MYO5B: variants seen among roughly 807,000 people sequenced by gnomAD.
MYO5B encodes myosin VB.
In MYO5B, 143 loss-of-function variants were observed where a neutral mutation model predicts 229.3. The observed-to-expected ratio is 0.62, with a 90% CI of 0.54 to 0.72. MYO5B has a LOEUF of 0.72. Among genes scored for constraint, MYO5B ranks in the 30% least tolerant of loss-of-function variants. The pLI is 0.00. For synonymous variants in MYO5B, 918 were observed against 885.2 expected (o/e 1.04, Z -0.66); for missense variants, 2,321 against 2,331.0 (o/e 1.00, Z 0.09).
At chr18:49,980,668 C>T (rs933502747) in intron 8 of MYO5B, 115 bp from the exon 9 acceptor site, 2 of 743,994 alleles carry the variant, frequency 2.7e-6, no homozygotes, top group Non-Finnish European at 4.7e-6. Flanking sequence ...TCTTTCTGAC[C>T]CGATGACTCC....
chr18:50,098,627 T>C (rs2031598978), intron 1 of MYO5B: 1 of 152,154 alleles, frequency 6.6e-6, no homozygotes, highest in Admixed American at 6.5e-5. Context: ...CTTGCAGAGA[T>C]GGTAGGATTT....
At chr18:50,017,286 A>T (rs1405958209) in intron 4 of MYO5B, among the ~76,000 whole-genome samples, 8 of 149,374 alleles carry the variant, frequency 5.4e-5, no homozygotes, top group Non-Finnish European at 1.0e-4. Flanking sequence ...GTCTGGCTAA[A>T]TTTTTTTTTT....
chr18:50,013,488 C>T (rs899175874), intron 4 of MYO5B, among the ~76,000 whole-genome samples: 2 of 152,206 alleles, frequency 1.3e-5, no homozygotes, highest in South Asian at 4.1e-4. Flanking sequence ...GCAATAGCAG[C>T]CTCAGGCCAA....
chr18:49,843,215 C>T (rs2024081560), intron 34 of MYO5B, 26 bp downstream of exon 34: 3 of 1,613,010 alleles, frequency 1.9e-6, no homozygotes, highest in South Asian at 1.1e-5. Flanking sequence ...CACCACAAAC[C>T]ATGACCTTCT....
chr18:50,078,826 A>G (rs1174587110), intron 1 of MYO5B, among the ~76,000 whole-genome samples: 1 of 151,338 alleles, frequency 6.6e-6, no homozygotes, highest in Non-Finnish European at 1.5e-5. Context: ...AAATGCCAAG[A>G]GCTAGAAAAA....
chr18:50,102,138 C>G (rs529052750), intron 1 of MYO5B, among the ~76,000 whole-genome samples: 14 of 152,220 alleles, frequency 9.2e-5, no homozygotes, highest in Non-Finnish European at 1.6e-4. Context: ...TCTCAGCACA[C>G]TAACACAGGA....
chr18:50,032,486 C>T (rs948566710), intron 4 of MYO5B, among the ~76,000 whole-genome samples: 1 of 152,140 alleles, frequency 6.6e-6, no homozygotes, highest in Non-Finnish European at 1.5e-5. Flanking sequence ...TTTTATCTGG[C>T]TTCTTTGATT....
chr18:50,051,015 A>C (rs1256285319), intron 2 of MYO5B, among the ~76,000 whole-genome samples: 1 of 152,226 alleles, frequency 6.6e-6, no homozygotes, highest in South Asian at 2.1e-4. Flanking sequence ...AATACTGAAC[A>C]ATTCATACTA....
chr18:49,928,672 AGG>A (rs2025156325), intron 17 of MYO5B, among the ~76,000 whole-genome samples: 1 of 152,180 alleles, frequency 6.6e-6, no homozygotes, highest in Non-Finnish European at 1.5e-5. Flanking sequence ...ACACTGGCAC[AGG>A]CATGTTAATA....
chr18:50,031,326 G>A (rs1253096407), intron 4 of MYO5B, among the ~76,000 whole-genome samples: 1 of 152,124 alleles, frequency 6.6e-6, no homozygotes, highest in Non-Finnish European at 1.5e-5. Context: ...CAGCAAAGAG[G>A]CTTGGGTCTG....
intron 16 of MYO5B, among the ~76,000 whole-genome samples, chr18:49,933,831 T>A (rs1787326): frequency 0.17 from 25,518 of 152,224 alleles, 2,479 homozygotes; most frequent in African/African-American, 0.25. Flanking sequence ...ACATAAATTT[T>A]TATACTCTCA....
rs562705774 is a variant in MYO5B, at chr18:49,963,643, G to T, written c.1323-613C>A. ...AGGTTTTGCCATGTTGTCCAAGCTGGTCTCGAACTCCTGGGCTCAAGTGAT... is the reference window on the plus strand; with the variant it reads ...AGGTTTTGCCATGTTGTCCAAGCTGTTCTCGAACTCCTGGGCTCAAGTGAT... On this transcript the variant is annotated intron_variant, in intron 10 of 39. Coordinates refer to ENST00000285039, the MANE Select transcript of MYO5B (RefSeq NM_001080467.3). 2.6e-5 allele frequency among the ~76,000 whole-genome samples: 4 copies of T among 151,966 alleles called. No homozygotes were observed. The South Asian group carries it at 8.3e-4, about 32-fold the overall frequency.
intron 10 of MYO5B, among the ~76,000 whole-genome samples, chr18:49,969,314 G>A (rs759400195): frequency 2.0e-5 from 3 of 152,126 alleles, no homozygotes; most frequent in Non-Finnish European, 2.9e-5. Context: ...TTTGGAGAGC[G>A]AGACCAAGAA....
At chr18:50,015,079 TAC>T (rs1480319274) in intron 4 of MYO5B, among the ~76,000 whole-genome samples, 1 of 152,200 alleles carries the variant, frequency 6.6e-6, no homozygotes, top group Non-Finnish European at 1.5e-5. Flanking sequence ...TAGAAGTTTG[TAC>T]AGACAGAAGG....
chr18:50,133,921 GAC>G (rs749891692), intron 1 of MYO5B, among the ~76,000 whole-genome samples: 32 of 152,294 alleles, frequency 2.1e-4, no homozygotes, highest in Non-Finnish European at 3.4e-4. Context: ...TTAAGAGAAA[GAC>G]ACAAGTGCAG....
intron 5 of MYO5B, among the ~76,000 whole-genome samples, chr18:50,000,762 G>C (rs73442578): frequency 0.012 from 1,841 of 152,262 alleles, 37 homozygotes; most frequent in African/African-American, 0.042. Context: ...AGCTTCAACA[G>C]ATTCTAGGTT....
chr18:50,191,802 G>A (rs1455186384), intron 1 of MYO5B, among the ~76,000 whole-genome samples: 1 of 152,104 alleles, frequency 6.6e-6, no homozygotes, highest in Non-Finnish European at 1.5e-5. Flanking sequence ...GTATGAATGG[G>A]ATCTAGAACA....
chr18:49,838,133 T>C (rs1282868378), intron 36 of MYO5B, among the ~76,000 whole-genome samples: 3 of 152,214 alleles, frequency 2.0e-5, no homozygotes, highest in East Asian at 1.9e-4. Flanking sequence ...GTCCAGCCAC[T>C]GACTATGTAA....
At chr18:49,869,947 C>A (rs988505266) in intron 27 of MYO5B, among the ~76,000 whole-genome samples, 1 of 152,090 alleles carries the variant, frequency 6.6e-6, no homozygotes, top group Non-Finnish European at 1.5e-5. Context: ...GATTGATGCC[C>A]CGAAAGTGCT....
Sources: gnomAD v4.1 joint callset for allele counts (sites outside exome capture counted in the v4.1 genomes callset) on GRCh38, gnomAD v4.1.1 for gene constraint, MANE v1.5 for transcripts, NCBI Gene and HGNC (gene_info 2026-07-23, HGNC 2026-07-21) for gene names.